SAMMSON: variants seen among roughly 807,000 people sequenced by gnomAD.
SAMMSON encodes the protein survival associated mitochondrial melanoma specific oncogenic non-coding RNA.
intron 3 of SAMMSON, among the ~76,000 whole-genome samples, chr3:70,034,008 A>G (rs1252603137): frequency 6.6e-6 from 1 of 152,116 alleles, no homozygotes; most frequent in Non-Finnish European, 1.5e-5. Context: ...TGGACAGGTG[A>G]CAAGATGGAT....
intron 8 of SAMMSON, among the ~76,000 whole-genome samples, chr3:70,354,788 C>T (rs907603260): frequency 2.0e-5 from 3 of 152,160 alleles, no homozygotes; most frequent in African/African-American, 7.2e-5. Flanking sequence ...CATACATTCT[C>T]GGATGCTTTC....
intron 4 of SAMMSON, among the ~76,000 whole-genome samples, chr3:70,092,773 G>A (rs56262790): frequency 0.073 from 11,098 of 152,056 alleles, 552 homozygotes; most frequent in Non-Finnish European, 0.11. Flanking sequence ...AAATGCAAAT[G>A]TACTTTTGTG....
rs562512247 is a variant in SAMMSON at position 70,273,647 on chromosome 3, A to C, written n.675-17532A>C. Among the ~76,000 whole-genome samples the C allele has an allele frequency of 3.3e-5, 5 of 152,356 alleles. No homozygotes were observed. In the East Asian group the frequency reaches 9.6e-4, roughly 29 times the overall value. ...TGACAGTATCAAAGGAGGAAAAGGC[A>C]AGGTACAGATGGACTTGGCACACAT... On this transcript the variant is annotated intron_variant and non_coding_transcript_variant, in intron 6 of 9. Transcript: ENST00000642114.
chr3:70,324,018 G>A (rs754953256), intron 7 of SAMMSON, among the ~76,000 whole-genome samples: 6 of 151,982 alleles, frequency 3.9e-5, no homozygotes, highest in Non-Finnish European at 7.4e-5. Context: ...ACATTCATTC[G>A]TCCCTTCCTG....
rs182149537 is a variant in SAMMSON at position 70,368,314 on chromosome 3, T to G, written n.913+9990T>G. On this transcript the variant is annotated intron_variant and non_coding_transcript_variant, in intron 9 of 9. Transcript: ENST00000642114. ...TAATGATATTAAAAACATTTAATGT[T>G]AAACCAAATAATAGTAAATAAATAA... Among the ~76,000 whole-genome samples, 9 of 151,616 alleles carry G rather than the reference T, an allele frequency of 5.9e-5. No homozygotes were observed. In the East Asian group the frequency reaches 1.7e-3, roughly 29 times the overall value.
chr3:70,277,465 C>G (rs1383938590), intron 6 of SAMMSON, among the ~76,000 whole-genome samples: 1 of 152,126 alleles, frequency 6.6e-6, no homozygotes, highest in Admixed American at 6.6e-5. Flanking sequence ...ATAATGACGG[C>G]TCTTGATTCA....
chr3:70,164,831 T>C (rs1201845855), intron 4 of SAMMSON, among the ~76,000 whole-genome samples: 1 of 152,064 alleles, frequency 6.6e-6, no homozygotes, highest in Admixed American at 6.6e-5. Context: ...AATGTTATTG[T>C]TCTTGCTGTT....
intron 3 of SAMMSON, among the ~76,000 whole-genome samples, chr3:70,040,911 A>G (rs1490212014): frequency 3.9e-5 from 6 of 152,160 alleles, no homozygotes; most frequent in African/African-American, 1.2e-4. Context: ...ATAGATTTCA[A>G]TGATTTGGTC....
chr3:70,082,329 A>G (rs1221659600), intron 4 of SAMMSON, among the ~76,000 whole-genome samples: 1 of 152,214 alleles, frequency 6.6e-6, no homozygotes, highest in Non-Finnish European at 1.5e-5. Context: ...ATTAGTTAAT[A>G]AAAGTCCAAT....
rs1021353771 is a variant in SAMMSON, at chr3:70,021,113, G to A, written n.417+7441G>A. 5.9e-5 allele frequency among the ~76,000 whole-genome samples: 9 copies of A among 152,260 alleles called. No homozygotes were observed. The East Asian group carries it at 1.7e-3, about 29-fold the overall frequency. ...ATTTCCTCTTTTCACCACATTGGCT[G>A]TTCATGGAAAACATTCCCTGTGTGT... On this transcript the variant is annotated intron_variant and non_coding_transcript_variant, in intron 3 of 9. Transcript: ENST00000642114.
chr3:70,302,316 G>T (rs1241915735), intron 7 of SAMMSON, among the ~76,000 whole-genome samples: 1 of 151,712 alleles, frequency 6.6e-6, no homozygotes, highest in South Asian at 2.1e-4. Flanking sequence ...TTTTATTAGC[G>T]AGTATATTCC....
intron 3 of SAMMSON, among the ~76,000 whole-genome samples, chr3:70,021,927 C>A (rs543203798): frequency 6.6e-6 from 1 of 151,996 alleles, no homozygotes; most frequent in Non-Finnish European, 1.5e-5. Flanking sequence ...ATGAAATCTT[C>A]ATCAACATTT....
intron 4 of SAMMSON, among the ~76,000 whole-genome samples, chr3:70,080,968 C>T (rs1287280190): frequency 1.3e-5 from 2 of 152,146 alleles, no homozygotes; most frequent in African/African-American, 4.8e-5. Flanking sequence ...TTTGTAATGC[C>T]TACAAAAGTT....
intron 2 of SAMMSON, among the ~76,000 whole-genome samples, chr3:70,430,249 G>T (rs1701403103): frequency 6.6e-6 from 1 of 152,152 alleles, no homozygotes; most frequent in African/African-American, 2.4e-5. Context: ...CACTGGTTCT[G>T]TTTATGTGAT....
chr3:70,285,520 G>T (rs547249525), intron 6 of SAMMSON, among the ~76,000 whole-genome samples: 3 of 151,832 alleles, frequency 2.0e-5, no homozygotes, highest in Non-Finnish European at 4.4e-5. Context: ...ATAAAAATAC[G>T]TGTGCATGTG....
intron 4 of SAMMSON, among the ~76,000 whole-genome samples, chr3:70,246,832 C>G (rs955340720): frequency 1.3e-5 from 2 of 152,004 alleles, no homozygotes; most frequent in South Asian, 2.1e-4. Flanking sequence ...TTTTTTGTCA[C>G]CCTTAAAACA....
intron 6 of SAMMSON, among the ~76,000 whole-genome samples, chr3:70,289,253 TG>T (rs1411225814): frequency 1.3e-5 from 2 of 151,154 alleles, no homozygotes; most frequent in African/African-American, 4.9e-5. Context: ...AGGGCAGGCC[TG>T]GTGGTGACAA....
At chr3:70,176,490 T>G (rs1228524459) in intron 4 of SAMMSON, among the ~76,000 whole-genome samples, 1 of 152,238 alleles carries the variant, frequency 6.6e-6, no homozygotes, top group African/African-American at 2.4e-5. Flanking sequence ...TATTCTTTTG[T>G]AATGTGAAAT....
intron 4 of SAMMSON, among the ~76,000 whole-genome samples, chr3:70,237,109 C>A (rs1449431031): frequency 6.6e-6 from 1 of 152,122 alleles, no homozygotes; most frequent in East Asian, 1.9e-4. Context: ...TTTTCCAGAT[C>A]TTTTGCATTC....
Sources: allele counts gnomAD v4.1 joint callset (sites outside exome capture counted in the v4.1 genomes callset), GRCh38; gene constraint gnomAD v4.1.1; transcripts MANE v1.5; gene names NCBI Gene and HGNC (gene_info 2026-07-23, HGNC 2026-07-21).